The following DNAH11 variants were observed in gnomAD, a reference collection of about 807,000 sequenced individuals.
DNAH11 encodes dynein axonemal heavy chain 11.
DNAH11 carries 442 observed loss-of-function variants against 526.0 expected under a neutral mutation model. The ratio of observed to expected loss-of-function variants is 0.84; its 90% confidence interval spans 0.78 to 0.91. DNAH11 has a LOEUF of 0.91. Ranked by LOEUF, DNAH11 falls within the 40% of genes least tolerant of loss-of-function variation. The pLI is 0.00. For synonymous variants in DNAH11, 2,461 were observed against 1,935.9 expected (o/e 1.27, Z -7.12); for missense variants, 6,989 against 5,448.7 (o/e 1.28, Z -8.90).
chr7:21,584,711 G>T (rs1784426702), intron 9 of DNAH11, among the ~76,000 whole-genome samples: 2 of 152,214 alleles, frequency 1.3e-5, no homozygotes, highest in Non-Finnish European at 2.9e-5. Context: ...AGGTATACTT[G>T]CTAGTATATT....
chr7:21,852,505 G>T lies in DNAH11; in HGVS notation c.10935G>T (p.Glu3645Asp), dbSNP rs554294739. 3 of 1,613,492 alleles carry T rather than the reference G, an allele frequency of 1.9e-6. No individual in the cohort carries two copies. Among genetic ancestry groups the T allele is most frequent in the Non-Finnish European group, 2.5e-6 (3 of 1,179,706 alleles). ...LTKHQNDFKI[E>D]LKYLEDDLLL... ...AGCACCAAAATGATTTTAAAATTGA[G>T]CTCAAGTATCTGGAAGACGATCTCC... Residue 3645 changes from glutamate (E) to aspartate (D), a missense_variant, in exon 67 of 82, where the codon GAG (glutamate) becomes GAT (aspartate). By Grantham distance (45) the Glu-to-Asp change is conservative. Coordinates refer to ENST00000409508, the MANE Select transcript of DNAH11 (RefSeq NM_001277115.2).
At chr7:21,587,384 C>T (rs1272590344) in intron 9 of DNAH11, among the ~76,000 whole-genome samples, 3 of 152,044 alleles carry the variant, frequency 2.0e-5, no homozygotes, top group African/African-American at 7.2e-5. Flanking sequence ...AGTTGACTTC[C>T]TCTGCTTGCT....
intron 43 of DNAH11, among the ~76,000 whole-genome samples, chr7:21,719,523 A>T (rs532370572): frequency 1.6e-4 from 24 of 152,310 alleles, no homozygotes; most frequent in Admixed American, 1.2e-3. Flanking sequence ...TTTGATTTCA[A>T]CAGTGCCTTA....
chr7:21,607,338 G>C (rs767597958), intron 20 of DNAH11, among the ~76,000 whole-genome samples: 27 of 152,232 alleles, frequency 1.8e-4, no homozygotes, highest in Middle Eastern at 3.4e-3. Flanking sequence ...TGCCCACCCA[G>C]ATTGAGGGTG....
chr7:21,556,560 C>T (rs536747551), intron 2 of DNAH11, among the ~76,000 whole-genome samples: 1 of 152,238 alleles, frequency 6.6e-6, no homozygotes, highest in Admixed American at 6.5e-5. Context: ...GGTGCATGTA[C>T]TGGTTTGTTA....
chr7:21,626,232 C>T (rs907038487), intron 25 of DNAH11, among the ~76,000 whole-genome samples: 4 of 152,088 alleles, frequency 2.6e-5, no homozygotes, highest in African/African-American at 9.7e-5. Flanking sequence ...TCTATGCTTG[C>T]CTTATTTCAC....
intron 20 of DNAH11, among the ~76,000 whole-genome samples, chr7:21,610,211 G>A (rs1180716996): frequency 6.6e-6 from 1 of 152,080 alleles, no homozygotes; most frequent in Non-Finnish European, 1.5e-5. Context: ...CCGAGATTGC[G>A]CCACTTCACT....
rs1254606917 is a variant in DNAH11, at chr7:21,769,446, C to G, written c.9102+3857C>G. 3.3e-5 allele frequency among the ~76,000 whole-genome samples: 5 copies of G among 152,032 alleles called. No individual in the cohort carries two copies. The East Asian group carries it at 5.8e-4, about 18-fold the overall frequency. ...CACCATCTCCTGTTCTGTCCTCTTG[C>G]TATAAAAGAGGTAGCTGGATTGCTT... On this transcript the variant is annotated intron_variant, in intron 55 of 81. Coordinates refer to ENST00000409508, the MANE Select transcript of DNAH11 (RefSeq NM_001277115.2).
At chr7:21,783,479 T>G (rs1249686725) in intron 57 of DNAH11, among the ~76,000 whole-genome samples, 1 of 152,166 alleles carries the variant, frequency 6.6e-6, no homozygotes, top group Non-Finnish European at 1.5e-5. Flanking sequence ...CACTTTATAT[T>G]CCACAATCAC....
At chr7:21,651,444 C>T (rs1035869181) in intron 28 of DNAH11, among the ~76,000 whole-genome samples, 1 of 152,046 alleles carries the variant, frequency 6.6e-6, no homozygotes, top group African/African-American at 2.4e-5. Flanking sequence ...CTCACTGCAA[C>T]CTCCGCCCCT....
chr7:21,884,509 T>C, intron 76 of DNAH11, 99 bp downstream of exon 76: 1 of 1,256,250 alleles, frequency 8.0e-7, no homozygotes, highest in Non-Finnish European at 1.1e-6. Flanking sequence ...ATTCTTAATG[T>C]TATTGAGGAT....
At chr7:21,790,675 A>C (rs755192232) in intron 61 of DNAH11, among the ~76,000 whole-genome samples, 10 of 152,176 alleles carry the variant, frequency 6.6e-5, no homozygotes, top group Non-Finnish European at 1.2e-4. Flanking sequence ...AGGAACCACC[A>C]GGATAACTAG....
intron 28 of DNAH11, among the ~76,000 whole-genome samples, chr7:21,646,813 A>G (rs1381783638): frequency 2.0e-5 from 3 of 152,210 alleles, no homozygotes; most frequent in African/African-American, 2.4e-5. Flanking sequence ...AGCAATATCC[A>G]AAAGGATCAA....
chr7:21,760,902 TAATTA>T (rs1786870518), intron 54 of DNAH11, among the ~76,000 whole-genome samples: 1 of 152,212 alleles, frequency 6.6e-6, no homozygotes, highest in African/African-American at 2.4e-5. Flanking sequence ...ATTATACTAG[TAATTA>T]AATTATAGAC....
intron 25 of DNAH11, among the ~76,000 whole-genome samples, chr7:21,631,960 G>A (rs112537737): frequency 0.028 from 4,223 of 152,258 alleles, 191 homozygotes; most frequent in African/African-American, 0.095. Context: ...GGACGCTGCC[G>A]CTGCAGCAAA....
intron 13 of DNAH11, 24 bp from the exon 14 acceptor site, chr7:21,591,161 T>C: frequency 6.6e-7 from 1 of 1,521,056 alleles, no homozygotes; most frequent in East Asian, 2.3e-5. Flanking sequence ...TGGCACTTTT[T>C]GTTTTGGGGT....
At chr7:21,710,779 T>C in intron 41 of DNAH11, 76 bp downstream of exon 41, 1 of 1,405,108 alleles carries the variant, frequency 7.1e-7, no homozygotes, top group Non-Finnish European at 9.5e-7. Context: ...TTGTCGATGT[T>C]AATACTAGTT....
chr7:21,664,644 G>A (rs1782358170), intron 30 of DNAH11, among the ~76,000 whole-genome samples: 1 of 151,826 alleles, frequency 6.6e-6, no homozygotes, highest in Non-Finnish European at 1.5e-5. Context: ...TTTTTCTTAT[G>A]GAGAGGTGGT....
At chr7:21,618,648 T>A (rs907360749) in intron 23 of DNAH11, among the ~76,000 whole-genome samples, 1 of 152,044 alleles carries the variant, frequency 6.6e-6, no homozygotes, top group African/African-American at 2.4e-5. Flanking sequence ...TGAACTGAGA[T>A]TAAATTAGTG....
Sources: gnomAD v4.1 joint callset for allele counts (sites outside exome capture counted in the v4.1 genomes callset) on GRCh38, gnomAD v4.1.1 for gene constraint, MANE v1.5 for transcripts, NCBI Gene and HGNC (gene_info 2026-07-23, HGNC 2026-07-21) for gene names.